NF1: variants seen among roughly 807,000 people sequenced by gnomAD.
The protein encoded by NF1 is neurofibromin.
Under a neutral mutation model 325.7 loss-of-function variants are expected in NF1, and 122 were observed. That is an observed-to-expected ratio of 0.37 (90% CI 0.32 to 0.44). The LOEUF is 0.44. Ranked by LOEUF, NF1 falls within the 20% of genes least tolerant of loss-of-function variation. NF1 has a pLI of 1.00. For synonymous variants in NF1, 1,091 were observed against 1,186.0 expected, an observed-to-expected ratio of 0.92 and a Z score of 1.65; for missense variants, 2,140 against 3,415.4, an observed-to-expected ratio of 0.63 and a Z score of 9.31.
rs868147690 is a variant in NF1, at chr17:31,358,904, T to C, written c.8114-65T>C. 23 of 1,413,130 alleles carry C rather than the reference T, an allele frequency of 1.6e-5. No homozygotes were observed. The South Asian group carries it at 2.7e-4, about 16-fold the overall frequency. 87.5% of individuals were successfully genotyped at this position (1,413,130 alleles called of 1,614,324 possible). A position where few individuals can be genotyped will look rare whatever the true frequency, so the allele number is the denominator to read the frequency against. ...TATATATCATCAGCTATATGACTTA[T>C]TTAATTTCTGTTACAATTAAAAGAT... On this transcript the variant is annotated intron_variant, in intron 55 of 57. Coordinates refer to ENST00000358273, the MANE Select transcript of NF1 (RefSeq NM_001042492.3).
intron 36 of NF1, among the ~76,000 whole-genome samples, chr17:31,292,589 A>G (rs1597787485): frequency 6.6e-6 from 1 of 152,170 alleles, no homozygotes; most frequent in Non-Finnish European, 1.5e-5. Context: ...CAATCTATGT[A>G]TAAGTGTGCC....
chr17:31,230,766 A>G (rs1175175181), intron 23 of NF1, 76 bp from the exon 24 acceptor site: 58 of 1,137,866 alleles, frequency 5.1e-5, no homozygotes, highest in Non-Finnish European at 6.8e-5. Flanking sequence ...ACTATAAGAA[A>G]TCTTACGTGA....
intron 20 of NF1, among the ~76,000 whole-genome samples, chr17:31,228,512 C>T (rs1034407710): frequency 8.5e-5 from 13 of 152,228 alleles, no homozygotes; most frequent in Admixed American, 1.3e-4. Flanking sequence ...AATGTATTCA[C>T]AGAGTTGTGC....
intron 12 of NF1, 135 bp from the exon 13 acceptor site, chr17:31,214,316 C>G: frequency 1.6e-6 from 1 of 640,240 alleles, no homozygotes. Flanking sequence ...TTGAGTGTTT[C>G]TACTAATACC....
chr17:31,273,271 A>G (rs1177804509), intron 36 of NF1, among the ~76,000 whole-genome samples: 4 of 152,240 alleles, frequency 2.6e-5, no homozygotes, highest in Admixed American at 2.6e-4. Context: ...TAAAGAGGTT[A>G]AACCAAAGCA....
intron 30 of NF1, 115 bp downstream of exon 30, chr17:31,249,234 G>A (rs2067453696): frequency 2.5e-6 from 3 of 1,185,462 alleles, no homozygotes; most frequent in Admixed American, 3.4e-5. Context: ...TACTGAGTCA[G>A]TTTGGATGAA....
intron 2 of NF1, among the ~76,000 whole-genome samples, chr17:31,157,449 T>C (rs562738379): frequency 6.6e-6 from 1 of 152,312 alleles, no homozygotes; most frequent in Non-Finnish European, 1.5e-5. Context: ...AGTTACCTTT[T>C]TGCCTTATTC....
chr17:31,184,668 A>AAAAATAAAAAAAT (rs1342623555), intron 8 of NF1, among the ~76,000 whole-genome samples: 2 of 149,216 alleles, frequency 1.3e-5, no homozygotes, highest in African/African-American at 5.1e-5. Flanking sequence ...AATAAAAAAA[A>AAAAATAAAAAAAT]AAAATAAAAA....
At chr17:31,318,941 ACAAAGAAAAAACTGTTGT>A in intron 36 of NF1, 1 of 1,613,840 alleles carries the variant, frequency 6.2e-7, no homozygotes, top group Non-Finnish European at 8.5e-7. Context: ...GTTCCAGGAG[ACAAAGAAAAAACTGTTGT>A]CATCAGAAAG....
chr17:31,259,310 A>G (rs1424882782), intron 33 of NF1, among the ~76,000 whole-genome samples, 181 bp downstream of exon 33: 1 of 152,160 alleles, frequency 6.6e-6, no homozygotes, highest in Non-Finnish European at 1.5e-5. Flanking sequence ...AAATAAATTA[A>G]TATTTTTTAT....
chr17:31,113,013 A>G (rs756821596), intron 1 of NF1, among the ~76,000 whole-genome samples: 1 of 152,198 alleles, frequency 6.6e-6, no homozygotes, highest in Admixed American at 6.5e-5. Flanking sequence ...GTCAGGTAGT[A>G]TAAGTCCTCC....
At chr17:31,295,657 G>C in intron 36 of NF1, 1 of 1,614,086 alleles carries the variant, frequency 6.2e-7, no homozygotes, top group Non-Finnish European at 8.5e-7. Context: ...ATGACCACCT[G>C]TTATTGTAAA....
At chr17:31,333,313 G>A (rs111771812) in intron 39 of NF1, among the ~76,000 whole-genome samples, 2 of 152,234 alleles carry the variant, frequency 1.3e-5, no homozygotes, top group African/African-American at 4.8e-5. Flanking sequence ...ATGTTAAAAT[G>A]TTTATTATAG....
At chr17:31,188,547 A>T (rs1230104328) in intron 8 of NF1, among the ~76,000 whole-genome samples, 1 of 152,146 alleles carries the variant, frequency 6.6e-6, no homozygotes, top group African/African-American at 2.4e-5. Context: ...GGAGATATGT[A>T]TGGGTTCAAG....
intron 50 of NF1, among the ~76,000 whole-genome samples, chr17:31,351,364 A>C (rs2070138093): frequency 6.6e-6 from 1 of 152,184 alleles, no homozygotes; most frequent in Non-Finnish European, 1.5e-5. Flanking sequence ...ACATATGTTA[A>C]TTTGCTTGAT....
At chr17:31,362,305 T>C in intron 57 of NF1, 1 of 985,456 alleles carries the variant, frequency 1.0e-6, no homozygotes, top group Non-Finnish European at 1.2e-6. Flanking sequence ...AGCCACTGAA[T>C]TCCTTCCTGC....
intron 29 of NF1, among the ~76,000 whole-genome samples, chr17:31,246,664 G>C (rs2067396460): frequency 6.6e-6 from 1 of 152,150 alleles, no homozygotes; most frequent in African/African-American, 2.4e-5. Context: ...GATTAGGCTA[G>C]TTAGAGAGTA....
At chr17:31,097,947 C>A (rs114351513) in intron 1 of NF1, among the ~76,000 whole-genome samples, 5 of 151,960 alleles carry the variant, frequency 3.3e-5, no homozygotes, top group South Asian at 2.1e-4. Context: ...ATCTGCCCCC[C>A]ACCCCCTGCT....
chr17:31,335,075 A>G, intron 40 of NF1, 44 bp downstream of exon 40: 1 of 1,537,100 alleles, frequency 6.5e-7, no homozygotes, highest in South Asian at 1.1e-5. Flanking sequence ...TCCTTTGTGC[A>G]CATATTTATC....
Sources: gnomAD v4.1 joint callset for allele counts (sites outside exome capture counted in the v4.1 genomes callset) on GRCh38, gnomAD v4.1.1 for gene constraint, MANE v1.5 for transcripts, NCBI Gene and HGNC (gene_info 2026-07-23, HGNC 2026-07-21) for gene names.